Variants in NAV1 observed in about 807,000 individuals in gnomAD.
NAV1 encodes neuron navigator 1, also known as pore membrane and/or filament interacting like protein 3.
A neutral mutation model predicts 175.2 loss-of-function variants in NAV1; 18 were observed. The observed-to-expected ratio is 0.10, with a 90% CI of 0.07 to 0.15. The LOEUF (loss-of-function observed/expected upper bound fraction) is 0.15, where lower values mean the gene tolerates loss of function less well. NAV1 is among the 10% of genes least tolerant of loss of function. The probability of loss-of-function intolerance (pLI) is 1.00; values close to 1 mark genes in which losing one functional copy is unlikely to be tolerated. For synonymous variants in NAV1, 897 were observed against 978.7 expected (o/e 0.92, Z 1.56); for missense variants, 1,731 against 2,436.6 (o/e 0.71, Z 6.10).
At chr1:201,623,524 C>T in exon 1 of NAV1, 1 of 986,198 alleles carries the variant, frequency 1.0e-6, no homozygotes, top group Non-Finnish European at 1.2e-6. Context: ...GCGCCCCTCT[C>T]CCTCTCCGGG....
At chr1:201,591,426 GC>G (rs1412959344) in intron 2 of NAV1, among the ~76,000 whole-genome samples, 3 of 152,146 alleles carry the variant, frequency 2.0e-5, no homozygotes, top group African/African-American at 7.2e-5. Context: ...CCGAGTCAGG[GC>G]CCCTCCCAGG....
upstream of NAV1, among the ~76,000 whole-genome samples, chr1:201,644,550 C>T (rs1486150167): frequency 6.6e-5 from 10 of 152,206 alleles, no homozygotes; most frequent in African/African-American, 9.6e-5. Flanking sequence ...CTGGCCATAG[C>T]AAGACCCTTT....
At chr1:201,661,003 G>C (rs182851843) in intron 1 of NAV1, among the ~76,000 whole-genome samples, 1 of 152,200 alleles carries the variant, frequency 6.6e-6, no homozygotes, top group Non-Finnish European at 1.5e-5. Flanking sequence ...TTGACTTGTT[G>C]ACACTGTTAT....
At chr1:201,599,058 G>A (rs545935436) in intron 2 of NAV1, among the ~76,000 whole-genome samples, 1 of 152,300 alleles carries the variant, frequency 6.6e-6, no homozygotes, top group Non-Finnish European at 1.5e-5. Flanking sequence ...CATATGGGGA[G>A]GCATAAGGCC....
chr1:201,776,662 G>GT (rs529958248), intron 3 of NAV1, among the ~76,000 whole-genome samples: 41 of 145,974 alleles, frequency 2.8e-4, no homozygotes, highest in African/African-American at 8.0e-4. Flanking sequence ...AAAAAGAGTT[G>GT]TTTTTTTTTA....
chr1:201,784,851 T>C (rs556532674), intron 7 of NAV1, among the ~76,000 whole-genome samples: 26 of 151,994 alleles, frequency 1.7e-4, no homozygotes, highest in African/African-American at 5.5e-4. Flanking sequence ...ACTTGCAAGT[T>C]CCACCTCCTG....
intron 3 of NAV1, among the ~76,000 whole-genome samples, chr1:201,766,544 A>C (rs1386476667): frequency 6.6e-6 from 1 of 152,084 alleles, no homozygotes; most frequent in African/African-American, 2.4e-5. Flanking sequence ...TTTTTTAAAA[A>C]TCACTTATCC....
At chr1:201,602,133 A>G (rs1263471790) in intron 2 of NAV1, among the ~76,000 whole-genome samples, 1 of 152,184 alleles carries the variant, frequency 6.6e-6, no homozygotes, top group Non-Finnish European at 1.5e-5. Context: ...ACATGCCACC[A>G]GCATCAGAGG....
chr1:201,558,280 G>A (rs892684568), intron 1 of NAV1, among the ~76,000 whole-genome samples: 148 of 152,314 alleles, frequency 9.7e-4, no homozygotes, highest in African/African-American at 3.5e-3. Context: ...CATAGGGGAA[G>A]GGGAAATGCG....
At chr1:201,542,803 C>T (rs1304163289) in intron 1 of NAV1, among the ~76,000 whole-genome samples, 1 of 152,228 alleles carries the variant, frequency 6.6e-6, no homozygotes, top group Admixed American at 6.5e-5. Flanking sequence ...TGTGCCTCTG[C>T]CAAGGACCGT....
At chr1:201,706,008 T>C (rs6427918) in intron 1 of NAV1, among the ~76,000 whole-genome samples, 111,184 of 151,962 alleles carry the variant, frequency 0.73, 41,881 homozygotes, top group Admixed American at 0.84. Flanking sequence ...GACCAAGGAG[T>C]GCACTGAGGT....
At chr1:201,607,115 CTTTTTT>C (rs914962230) in intron 2 of NAV1, among the ~76,000 whole-genome samples, 2 of 130,284 alleles carry the variant, frequency 1.5e-5, no homozygotes, top group African/African-American at 5.7e-5. Context: ...TAATTTTTTT[CTTTTTT>C]TTTTTTTTTT....
At chr1:201,713,672 C>T (rs563982850) in intron 2 of NAV1, among the ~76,000 whole-genome samples, 1 of 152,254 alleles carries the variant, frequency 6.6e-6, no homozygotes, top group African/African-American at 2.4e-5. Flanking sequence ...GCTCTGGGGA[C>T]AGCGGGAGGC....
intron 1 of NAV1, among the ~76,000 whole-genome samples, chr1:201,698,312 G>T (rs1327208777): frequency 6.6e-6 from 1 of 152,320 alleles, no homozygotes; most frequent in Non-Finnish European, 1.5e-5. Flanking sequence ...CCCCATGCAC[G>T]GATGATGCCT....
chr1:201,676,810 A>G (rs1670271069), intron 1 of NAV1, among the ~76,000 whole-genome samples: 1 of 152,142 alleles, frequency 6.6e-6, no homozygotes, highest in Non-Finnish European at 1.5e-5. Context: ...ATACTTTTTA[A>G]GCTTTGGAAT....
chr1:201,738,445 C>A (rs575319697), intron 3 of NAV1, among the ~76,000 whole-genome samples: 1 of 152,040 alleles, frequency 6.6e-6, no homozygotes, highest in African/African-American at 2.4e-5. Context: ...AGCTGCAGCC[C>A]CAGGTCAGTG....
At chr1:201,607,367 G>A (rs1219734205) in intron 2 of NAV1, among the ~76,000 whole-genome samples, 4 of 151,716 alleles carry the variant, frequency 2.6e-5, no homozygotes, top group Admixed American at 2.0e-4. Context: ...CACCCACCTC[G>A]GCCTCCCAAA....
At chr1:201,596,430 G>A (rs1191578866) in intron 2 of NAV1, among the ~76,000 whole-genome samples, 2 of 152,352 alleles carry the variant, frequency 1.3e-5, no homozygotes, top group South Asian at 2.1e-4. Context: ...GAGGGAGCTT[G>A]GTCAAGCCAG....
chr1:201,658,873 C>T (rs1457810147), intron 1 of NAV1, among the ~76,000 whole-genome samples: 2 of 152,182 alleles, frequency 1.3e-5, no homozygotes, highest in East Asian at 3.9e-4. Context: ...GCCTCCATGC[C>T]CAGAGGTTGG....
Sources: allele counts gnomAD v4.1 joint callset (sites outside exome capture counted in the v4.1 genomes callset), GRCh38; gene constraint gnomAD v4.1.1; transcripts MANE v1.5; gene names NCBI Gene and HGNC (gene_info 2026-07-23, HGNC 2026-07-21).